The following CAB39L variants were observed in gnomAD, a reference collection of about 807,000 sequenced individuals.
CAB39L encodes calcium binding protein 39 like.
In CAB39L, 23 loss-of-function variants were observed where a neutral mutation model predicts 39.1. The observed-to-expected ratio is 0.59, with a 90% confidence interval of 0.42 to 0.83. The LOEUF is 0.83. Among genes scored for constraint, CAB39L ranks in the 40% least tolerant of loss-of-function variants. The pLI is 0.00. For synonymous variants in CAB39L, 126 were observed against 137.2 expected (o/e 0.92, Z 0.57); for missense variants, 366 against 391.9 (o/e 0.93, Z 0.56).
intron 6 of CAB39L, among the ~76,000 whole-genome samples, chr13:49,354,753 T>C (rs777094844): frequency 6.6e-6 from 1 of 152,202 alleles, no homozygotes; most frequent in Non-Finnish European, 1.5e-5. Flanking sequence ...TATCTAGGCA[T>C]GCCCATCAAA....
At chr13:49,405,711 AAG>A (rs1416029713) in intron 3 of CAB39L, among the ~76,000 whole-genome samples, 3 of 143,504 alleles carry the variant, frequency 2.1e-5, no homozygotes, top group Non-Finnish European at 4.6e-5. Flanking sequence ...GAAAGAAAGA[AAG>A]AGAGAGAGGA....
chr13:49,424,909 T>C (rs760176666), intron 3 of CAB39L, among the ~76,000 whole-genome samples: 2 of 152,194 alleles, frequency 1.3e-5, no homozygotes, highest in African/African-American at 2.4e-5. Context: ...TCAAATTATA[T>C]ATTTTTAAGT....
chr13:49,385,413 A>C (rs1017014487), intron 3 of CAB39L, among the ~76,000 whole-genome samples: 1 of 152,218 alleles, frequency 6.6e-6, no homozygotes, highest in Admixed American at 6.5e-5. Context: ...CTGTCTTCGT[A>C]TTAACAATTA....
At chr13:49,339,461 A>G (rs143158810) in intron 9 of CAB39L, among the ~76,000 whole-genome samples, 1 of 152,292 alleles carries the variant, frequency 6.6e-6, no homozygotes, top group East Asian at 1.9e-4. Context: ...TTTACTTATC[A>G]TGTACTTATA....
At position 49,412,365 on chromosome 13, in the gene CAB39L, T is replaced by TA. The variant is rs3035439; in HGVS notation, c.-32+20952dup. Among the ~76,000 whole-genome samples the TA allele has an allele frequency of 4.8e-3, 728 of 150,422 alleles. 3 individuals carry two copies. Among genetic ancestry groups the TA allele is most frequent in the Non-Finnish European group, 6.3e-3 (423 of 67,652 alleles). On this transcript the variant is annotated intron_variant, in intron 3 of 10. Transcript: ENST00000409308. ...ATAAATAAAATTTACCTTTGCCATT[T>TA]AAAAAAAAAAAAATGGCAAAAACCA...
chr13:49,316,650 A>T (rs1430065812), intron 10 of CAB39L, among the ~76,000 whole-genome samples: 1 of 152,218 alleles, frequency 6.6e-6, no homozygotes, highest in Non-Finnish European at 1.5e-5. Context: ...ATTCCCCAGA[A>T]ATACAAGGGT....
At chr13:49,429,311 T>C (rs1957285937) in intron 3 of CAB39L, among the ~76,000 whole-genome samples, 1 of 152,188 alleles carries the variant, frequency 6.6e-6, no homozygotes, top group Non-Finnish European at 1.5e-5. Flanking sequence ...CAAGCTGCTC[T>C]TGAATTCCTG....
At chr13:49,363,649 T>C (rs1349873082) in intron 5 of CAB39L, among the ~76,000 whole-genome samples, 1 of 151,610 alleles carries the variant, frequency 6.6e-6, no homozygotes, top group Non-Finnish European at 1.5e-5. Context: ...AAGCCCCCAC[T>C]TGTCAATAAT....
chr13:49,442,086 G>C (rs1957535023), intron 1 of CAB39L, among the ~76,000 whole-genome samples: 1 of 152,104 alleles, frequency 6.6e-6, no homozygotes, highest in East Asian at 1.9e-4. Flanking sequence ...TCTCACTGTG[G>C]TTTTAATTTG....
chr13:49,325,079 A>C (rs189136932), intron 10 of CAB39L, among the ~76,000 whole-genome samples: 34 of 152,336 alleles, frequency 2.2e-4, no homozygotes, highest in Admixed American at 1.6e-3. Context: ...TTGTTTGATG[A>C]TGTTGCTAAA....
chr13:49,421,238 G>C (rs79440531), intron 3 of CAB39L, among the ~76,000 whole-genome samples: 5,562 of 152,136 alleles, frequency 0.037, 320 homozygotes, highest in African/African-American at 0.12. Context: ...CTAGCCAAAG[G>C]AACATGAAAG....
Position 49,339,660 on chromosome 13 carries a change from A to C in CAB39L, c.690+17T>G. On this transcript the variant is annotated intron_variant, in intron 9 of 10. Coordinates refer to ENST00000409308, the MANE Select transcript of CAB39L (RefSeq NM_001079670.3). Reference sequence around the variant, plus strand: ...ATAAACTTACGGGGACACTGACTTAAAGAAATTTGATATTACCTTTAAAGA... The same window carrying C: ...ATAAACTTACGGGGACACTGACTTACAGAAATTTGATATTACCTTTAAAGA... The C allele has an allele frequency of 6.4e-7, 1 of 1,559,550 alleles. No homozygotes were observed. The highest frequency in any genetic ancestry group is 1.3e-5 in the South Asian group (1 of 79,384).
intron 3 of CAB39L, among the ~76,000 whole-genome samples, chr13:49,430,114 CTATAATACT>C (rs1467917911): frequency 2.8e-4 from 42 of 152,272 alleles, no homozygotes; most frequent in South Asian, 2.1e-4. Context: ...ATGCTACCAG[CTATAATACT>C]TATTCTCCTT....
At chr13:49,318,851 T>C (rs1359451088) in intron 10 of CAB39L, among the ~76,000 whole-genome samples, 1 of 151,694 alleles carries the variant, frequency 6.6e-6, no homozygotes, top group Non-Finnish European at 1.5e-5. Context: ...GCAGCACTAT[T>C]TACAATAGCC....
intron 10 of CAB39L, among the ~76,000 whole-genome samples, chr13:49,312,455 A>C (rs1231365935): frequency 1.3e-5 from 2 of 152,202 alleles, no homozygotes; most frequent in Non-Finnish European, 2.9e-5. Flanking sequence ...AGATACCCAA[A>C]TACCATTGGG....
At chr13:49,437,194 A>C (rs1263515897) in intron 1 of CAB39L, among the ~76,000 whole-genome samples, 1 of 152,262 alleles carries the variant, frequency 6.6e-6, no homozygotes, top group Non-Finnish European at 1.5e-5. Context: ...AGTTGTGTAT[A>C]GGCAGAAGCA....
At chr13:49,403,923 T>TA (rs1253446007) in intron 3 of CAB39L, among the ~76,000 whole-genome samples, 1 of 152,054 alleles carries the variant, frequency 6.6e-6, no homozygotes, top group East Asian at 1.9e-4. Flanking sequence ...AAAAAAAGTT[T>TA]AAAAAAATAA....
intron 6 of CAB39L, among the ~76,000 whole-genome samples, chr13:49,356,035 A>G (rs1381203486): frequency 6.6e-6 from 1 of 152,156 alleles, no homozygotes; most frequent in East Asian, 1.9e-4. Flanking sequence ...AGAATTCAAA[A>G]TTACCTTTTT....
Position 49,417,681 on chromosome 13 carries a change from G to A in CAB39L, c.-32+15637C>T, listed in dbSNP as rs373979514. On this transcript the variant is annotated intron_variant, in intron 3 of 10. Transcript: ENST00000409308. ...ATAAAATACACCTTTGGGAGCTTAAGAGGATGGGGATATTCTATCAGGGGA... is the reference window on the plus strand; with the variant it reads ...ATAAAATACACCTTTGGGAGCTTAAAAGGATGGGGATATTCTATCAGGGGA... 1.4e-3 allele frequency among the ~76,000 whole-genome samples: 196 copies of A among 139,886 alleles called. 7 individuals carry two copies. In the South Asian group the frequency reaches 0.044, roughly 32 times the overall value. 91.8% of individuals were successfully genotyped at this position (139,886 alleles called of 152,430 possible).
Sources: allele counts gnomAD v4.1 joint callset (sites outside exome capture counted in the v4.1 genomes callset), GRCh38; gene constraint gnomAD v4.1.1; transcripts MANE v1.5; gene names NCBI Gene and HGNC (gene_info 2026-07-23, HGNC 2026-07-21).